Variants in TPM3 observed in about 807,000 individuals in gnomAD.
TPM3 encodes tropomyosin alpha-3 chain.
A neutral mutation model predicts 43.1 loss-of-function variants in TPM3; 16 were observed. The ratio of observed to expected loss-of-function variants is 0.37; its 90% confidence interval spans 0.25 to 0.56. TPM3 has a LOEUF of 0.56. Among genes scored for constraint, TPM3 ranks in the 20% least tolerant of loss-of-function variants. The pLI is 0.77. For missense variants in TPM3, 176 were observed against 337.2 expected, an observed-to-expected ratio of 0.52 and a Z score of 3.74; for synonymous variants, 101 against 116.9, an observed-to-expected ratio of 0.86 and a Z score of 0.88.
rs1183038183 is a variant in TPM3 at position 154,165,383 on chromosome 1, C to T, written c.*2554G>A. On this transcript the variant is annotated 3_prime_UTR_variant, in exon 10 of 10. Transcript: ENST00000651641. ...CCTGGGTGACAGAGCGAGACTCCAT[C>T]TCAAAAAGAGAAAAATAAATAAATA... is the stretch of plus-strand genomic sequence containing the variant. Among the ~76,000 whole-genome samples, 1 of 151,914 alleles carries T rather than the reference C, an allele frequency of 6.6e-6. No individual in the cohort carries two copies. Among genetic ancestry groups the T allele is most frequent in the Non-Finnish European group, 1.5e-5 (1 of 67,996 alleles).
chr1:154,179,771 G>C (rs1662743243), intron 2 of TPM3, among the ~76,000 whole-genome samples: 1 of 152,092 alleles, frequency 6.6e-6, no homozygotes, highest in Non-Finnish European at 1.5e-5. Flanking sequence ...TTTTAGTAGA[G>C]ATGGGGTTTC....
rs145053113 is a variant in TPM3 at position 154,163,783 on chromosome 1, G to A, written c.*4154C>T. Among the ~76,000 whole-genome samples, 820 of 152,122 alleles carry A rather than the reference G, an allele frequency of 5.4e-3. 14 individuals are homozygous for A. The highest frequency in any genetic ancestry group is 0.019 in the African/African-American group (769 of 41,496). ...CAAGTAGTTGGGACTACAGGTGCCC[G>A]CAACCACGCCCAGCTAATTTTTTGT... On this transcript the variant is annotated 3_prime_UTR_variant, in exon 10 of 10. Transcript: ENST00000651641.
intron 2 of TPM3, among the ~76,000 whole-genome samples, chr1:154,179,916 G>A (rs1662762536): frequency 1.3e-5 from 2 of 152,188 alleles, no homozygotes; most frequent in South Asian, 4.1e-4. Flanking sequence ...AAATATCAGG[G>A]ACAATTAGGA....
rs545353984 is a variant in TPM3, at chr1:154,167,034, G to A, written c.*903C>T. Among the ~76,000 whole-genome samples, 8 of 152,210 alleles carry A rather than the reference G, an allele frequency of 5.3e-5. No individual in the cohort carries two copies. The East Asian group carries it at 1.5e-3, about 29-fold the overall frequency. On this transcript the variant is annotated 3_prime_UTR_variant, in exon 10 of 10. Transcript: ENST00000651641. ...TATTTAATTCCACAATATGAACCAA[G>A]GAAAATTTTACTAGCAGAAATTTAT...
chr1:154,189,791 C>G (rs549279570), intron 2 of TPM3, among the ~76,000 whole-genome samples: 41 of 142,484 alleles, frequency 2.9e-4, no homozygotes, highest in Non-Finnish European at 4.4e-4. Context: ...AGAGTGAAAC[C>G]CTGTCTCAAA....
At chr1:154,170,171 A>G in intron 8 of TPM3, 3 of 549,564 alleles carry the variant, frequency 5.5e-6, no homozygotes, top group South Asian at 4.1e-5. Flanking sequence ...GGAAGGGTAC[A>G]AATTGCAGAC....
intron 3 of TPM3, among the ~76,000 whole-genome samples, chr1:154,174,490 T>TC (rs895230040): frequency 5.6e-5 from 8 of 142,164 alleles, no homozygotes; most frequent in African/African-American, 1.8e-4. Flanking sequence ...CTCTTTTTTT[T>TC]CCCCCCGGTA....
downstream of TPM3, chr1:154,157,154 G>T (rs7654): frequency 0.062 from 16,047 of 260,270 alleles, 585 homozygotes; most frequent in South Asian, 0.14. Flanking sequence ...TTCCCACAGC[G>T]GAGTCTCCCT....
chr1:154,173,274 G>A, intron 3 of TPM3, 73 bp from the exon 4 acceptor site: 1 of 1,290,168 alleles, frequency 7.8e-7, no homozygotes. Flanking sequence ...AAGGGTCTCA[G>A]AACTGTACTT....
chr1:154,173,701 ACATCCTGGCC>A (rs1424871399), intron 3 of TPM3, among the ~76,000 whole-genome samples: 1 of 151,604 alleles, frequency 6.6e-6, no homozygotes, highest in East Asian at 1.9e-4. Flanking sequence ...TAAAGGTAAT[ACATCCTGGCC>A]AAGCGCAGTG....
intron 2 of TPM3, among the ~76,000 whole-genome samples, chr1:154,179,143 G>C (rs1233137336): frequency 6.6e-6 from 1 of 152,204 alleles, no homozygotes; most frequent in African/African-American, 2.4e-5. Context: ...AGTTAGGCTT[G>C]AGCCCTGTGA....
intron 1 of TPM3, chr1:154,191,698 G>T: frequency 6.7e-7 from 1 of 1,501,820 alleles, no homozygotes; most frequent in African/African-American, 1.4e-5. Flanking sequence ...CAGACATACT[G>T]TGGCTCACTG....
At chr1:154,191,361 C>T (rs925214407) in intron 1 of TPM3, 50 bp from the exon 2 acceptor site, 3 of 1,611,648 alleles carry the variant, frequency 1.9e-6, no homozygotes, top group East Asian at 2.2e-5. Flanking sequence ...CACAACAATG[C>T]AGGGTTGGAC....
chr1:154,163,280 A>G lies in TPM3; in HGVS notation c.*4657T>C, dbSNP rs1660573749. On this transcript the variant is annotated 3_prime_UTR_variant, in exon 10 of 10. Transcript: ENST00000651641. ...TTTTAGCCCCTCAGCCACACTAGCC[A>G]TGTTTTGAGTGCTTGACTGCCACAT... is the stretch of plus-strand genomic sequence containing the variant. 6.6e-6 allele frequency among the ~76,000 whole-genome samples: 1 copy of G among 152,184 alleles called. No homozygotes were observed. Among genetic ancestry groups the G allele is most frequent in the African/African-American group, 2.4e-5 (1 of 41,458 alleles).
chr1:154,183,268 C>A, intron 2 of TPM3: 2 of 1,518,964 alleles, frequency 1.3e-6, no homozygotes, highest in South Asian at 1.2e-5. Context: ...GCCGCGCCCT[C>A]CCACCGCCAG....
rs191869358 is a variant in TPM3 at position 154,165,623 on chromosome 1, T to C, written c.*2314A>G. Among the ~76,000 whole-genome samples, 3 of 151,934 alleles carry C rather than the reference T, an allele frequency of 2.0e-5. No individual in the cohort carries two copies. The highest frequency in any genetic ancestry group is 7.2e-5 in the African/African-American group (3 of 41,446). ...GGCCAACATGGTGAAACCTCACCTC[T>C]ACTAATAATACAAAAATTAGCTGGG... On this transcript the variant is annotated 3_prime_UTR_variant, in exon 10 of 10. Transcript: ENST00000651641.
chr1:154,191,315 T>A lies in TPM3; in HGVS notation c.118-4A>T. The stretch of plus-strand genomic sequence containing the variant: ...TGGCTGCCAGCTCATCCTCCAGCTA[T>A]AGGAGCCCAGAGAGTCACACACAAA... On this transcript the variant is annotated splice_region_variant and splice_polypyrimidine_tract_variant and intron_variant, in intron 1 of 9. Transcript: ENST00000651641. 1 of 1,614,014 alleles carries A rather than the reference T, an allele frequency of 6.2e-7. No homozygotes were observed. Among genetic ancestry groups the A allele is most frequent in the Non-Finnish European group, 8.5e-7 (1 of 1,180,032 alleles).
chr1:154,170,820 G>A (rs1661494571), intron 6 of TPM3, 109 bp from the exon 7 acceptor site: 1 of 820,470 alleles, frequency 1.2e-6, no homozygotes, highest in Non-Finnish European at 2.1e-6. Flanking sequence ...TAAATGTGCT[G>A]AATGGTCCAA....
chr1:154,189,798 CAAAAA>C (rs1167349462), intron 2 of TPM3, among the ~76,000 whole-genome samples: 4 of 43,840 alleles, frequency 9.1e-5, no homozygotes, highest in Admixed American at 2.5e-4. Context: ...AACCCTGTCT[CAAAAA>C]AAAAAAAAAA....
Sources: gnomAD v4.1 joint callset for allele counts (sites outside exome capture counted in the v4.1 genomes callset) on GRCh38, gnomAD v4.1.1 for gene constraint, MANE v1.5 for transcripts, NCBI Gene and HGNC (gene_info 2026-07-23, HGNC 2026-07-21) for gene names.